The following HLA-DQA1 variants were observed in gnomAD, a reference collection of about 807,000 sequenced individuals.
The protein encoded by HLA-DQA1 is major histocompatibility complex, class II, DQ alpha 1.
In HLA-DQA1, 10 loss-of-function variants were observed where a neutral mutation model predicts 20.7. The ratio of observed to expected loss-of-function variants is 0.48; its 90% CI spans 0.30 to 0.82. The LOEUF (loss-of-function observed/expected upper bound fraction) is 0.82, where lower values mean the gene tolerates loss of function less well. Among genes scored for constraint, HLA-DQA1 ranks in the 40% least tolerant of loss-of-function variants. The pLI is 0.07. For missense variants in HLA-DQA1, 127 were observed against 293.0 expected, an observed-to-expected ratio of 0.43 and a Z score of 4.14; for synonymous variants, 39 against 109.2, an observed-to-expected ratio of 0.36 and a Z score of 4.01.
At chr6:32,655,269 A>AAG in the HLA-DQA1 span, among the ~76,000 whole-genome samples, 14,897 of 127,930 alleles carry the variant, frequency 0.12, 894 homozygotes, top group African/African-American at 0.16. Context: ...GTTTTTTAAA[A>AAG]TCACCTCTTA....
chr6:32,653,531 G>A, the HLA-DQA1 span, among the ~76,000 whole-genome samples: 1 of 96,220 alleles, frequency 1.0e-5, no homozygotes, highest in African/African-American at 3.6e-5. Context: ...CACGTGCTGG[G>A]ATTACAGGCG....
Position 32,641,308 on chromosome 6 carries a change from A to G in HLA-DQA1, c.83-2A>G. On this transcript the variant is annotated splice_acceptor_variant, in intron 1 of 4. Transcript: ENST00000343139. LOFTEE classifies it high-confidence loss of function. The stretch of plus-strand genomic sequence containing the variant: ...TTCCTGCTTGTCATCTTCACTCATC[A>G]GCTGACCACGTTGCCTCTTGTGGTG... 1 of 1,260,394 alleles carries G rather than the reference A, an allele frequency of 7.9e-7. No individual in the cohort carries two copies. 78.1% of individuals were successfully genotyped at this position (1,260,394 alleles called of 1,614,324 possible).
rs1343535604 is a variant in HLA-DQA1 at position 32,640,742 on chromosome 6, C to A, written c.83-568C>A. On this transcript the variant is annotated intron_variant, in intron 1 of 4. Coordinates refer to ENST00000343139, the MANE Select transcript of HLA-DQA1 (RefSeq NM_002122.5). ...TAATGTTATTACCAATCTTGTTATA[C>A]TCTTTCTTATACCCTACAATTGTTA... 3.0e-5 allele frequency among the ~76,000 whole-genome samples: 3 copies of A among 99,336 alleles called. 1 individual carries two copies. 65.2% of individuals were successfully genotyped at this position (99,336 alleles called of 152,430 possible). A position where few individuals can be genotyped will look rare whatever the true frequency, so the allele number is the denominator to read the frequency against.
chr6:32,654,098 T>G, the HLA-DQA1 span, among the ~76,000 whole-genome samples: 1,427 of 67,146 alleles, frequency 0.021, 154 homozygotes, highest in African/African-American at 0.054. Flanking sequence ...TGGTTGAGCC[T>G]CGTTCAAGAC....
chr6:32,647,183 C>CTGTTGAAGTTT (rs1233103159), downstream of HLA-DQA1: 6 of 100,558 alleles, frequency 6.0e-5, no homozygotes, highest in African/African-American at 1.0e-4. Context: ...AAACATGGTA[C>CTGTTGAAGTTT]TCAGCCAGGC....
chr6:32,647,006 T>C (rs940116687), downstream of HLA-DQA1: 10 of 101,168 alleles, frequency 9.9e-5, no homozygotes, highest in African/African-American at 3.3e-4. Flanking sequence ...AGATTGCTGT[T>C]ATGTTTTCTA....
chr6:32,638,834 C>A, intron 1 of HLA-DQA1: 1 of 170,316 alleles, frequency 5.9e-6, no homozygotes, highest in Non-Finnish European at 1.2e-5. Flanking sequence ...ATTATTTGGT[C>A]TCTTACTCTC....
chr6:32,639,770 G>T lies in HLA-DQA1; in HGVS notation c.83-1540G>T, dbSNP rs1781224928. ...AATTTGGCACCCAAGACAAGTACCA[G>T]AAGAAAAGAAAGACTGCATGTATTC... On this transcript the variant is annotated intron_variant, in intron 1 of 4. Coordinates refer to ENST00000343139, the MANE Select transcript of HLA-DQA1 (RefSeq NM_002122.5). 3 of 94,342 alleles carry T rather than the reference G, an allele frequency of 3.2e-5. 1 individual carries two copies. Among genetic ancestry groups the T allele is most frequent in the African/African-American group, 1.1e-4 (3 of 27,490 alleles). 5.8% of individuals were successfully genotyped at this position (94,342 alleles called of 1,614,324 possible).
intron 1 of HLA-DQA1, among the ~76,000 whole-genome samples, chr6:32,640,149 T>G (rs9272617): frequency 0.22 from 18,652 of 85,638 alleles, 5,707 homozygotes; most frequent in Admixed American, 0.3. Flanking sequence ...ATGTAGTTTG[T>G]CTTGCTTGGC....
the HLA-DQA1 span, among the ~76,000 whole-genome samples, chr6:32,653,992 G>T: frequency 5.6e-5 from 6 of 107,974 alleles, 2 homozygotes; most frequent in African/African-American, 2.0e-4. Context: ...CGACAAGGAG[G>T]AATGAGAAAA....
Position 32,638,420 on chromosome 6 carries a change from C to A in HLA-DQA1, c.82+880C>A, listed in dbSNP as rs1781053349. Among the ~76,000 whole-genome samples the A allele has an allele frequency of 1.7e-5, 2 of 117,058 alleles. 1 individual carries two copies. The highest frequency in any genetic ancestry group is 1.9e-4 in the Admixed American group (2 of 10,432). The allele number at this position is 117,058 out of a possible 152,430, so 76.8% of individuals were successfully genotyped here. The stretch of plus-strand genomic sequence containing the variant: ...GACAAGGTGGCTCATGCCTGTAATC[C>A]CAGCACTTTGGGAGGCCGAGGCAGG... On this transcript the variant is annotated intron_variant, in intron 1 of 4. Transcript: ENST00000343139.
downstream of HLA-DQA1, chr6:32,647,186 A>G (rs28529717): frequency 0.81 from 58,062 of 71,668 alleles, 24,739 homozygotes; most frequent in Middle Eastern, 0.92. Flanking sequence ...CATGGTACTC[A>G]GCCAGGCGCG....
downstream of HLA-DQA1, among the ~76,000 whole-genome samples, chr6:32,647,546 T>TA (rs17843744): frequency 0.33 from 36,147 of 109,904 alleles, 8,490 homozygotes; most frequent in Admixed American, 0.39. Context: ...CAAAGTTTTT[T>TA]AAAAATGCAT....
downstream of HLA-DQA1, chr6:32,644,333 T>C (rs9273058): frequency 0.49 from 75,116 of 151,888 alleles, 19,209 homozygotes; most frequent in South Asian, 0.63. Context: ...AAAACATTAA[T>C]GCAATAATTG....
downstream of HLA-DQA1, among the ~76,000 whole-genome samples, chr6:32,651,588 C>CAAA (rs70996710): frequency 0.025 from 376 of 15,284 alleles, 106 homozygotes; most frequent in South Asian, 0.064. Context: ...CGTCTCAAAG[C>CAAA]AAAAAAAAAA....
Position 32,642,659 on chromosome 6 carries a change from T to A in HLA-DQA1, c.663T>A (p.Cys221Ter), listed in dbSNP as rs1048372. Residue 221 changes from cysteine (C) to a stop codon, truncating the protein, a stop_gained, in exon 4 of 5, where the codon TGT becomes TGA. Coordinates refer to ENST00000343139, the MANE Select transcript of HLA-DQA1 (RefSeq NM_002122.5). LOFTEE classifies it high-confidence loss of function. ...CAGAGCTCACAGAGACTGTGGTCTG[T>A]GCCCTGGGGTTGTCTGTGGGCCTCA... ...PMSELTETVV[C>*]ALGLSVGLMG... 3 of 1,223,886 alleles carry A rather than the reference T, an allele frequency of 2.5e-6. No homozygotes were observed. Among genetic ancestry groups the A allele is most frequent in the South Asian group, 2.5e-5 (2 of 80,252 alleles). The allele number at this position is 1,223,886 out of a possible 1,614,324, so 75.8% of individuals were successfully genotyped here.
In HLA-DQA1 at chr6:32,640,823, A is replaced by AAAAGAAAG. The variant is rs768146073; in HGVS notation, c.83-485_83-478dup. Among the ~76,000 whole-genome samples the AAAAGAAAG allele has an allele frequency of 1.3e-4, 15 of 111,880 alleles. 1 individual carries two copies. The highest frequency in any genetic ancestry group is 6.1e-4 in the Admixed American group (6 of 9,770). The allele number at this position is 111,880 out of a possible 152,430, so 73.4% of individuals were successfully genotyped here. ...GCATGCTTTTCCTTTAAAAAAAAAA[A>AAAAGAAAG]AAAGAAAGATCTCTGTGTAGAGTGT... On this transcript the variant is annotated intron_variant, in intron 1 of 4. Coordinates refer to ENST00000343139, the MANE Select transcript of HLA-DQA1 (RefSeq NM_002122.5).
chr6:32,651,080 G>C (rs1222104859), downstream of HLA-DQA1, among the ~76,000 whole-genome samples: 1 of 81,688 alleles, frequency 1.2e-5, no homozygotes, highest in Non-Finnish European at 2.6e-5. Flanking sequence ...AGTAGAGACG[G>C]GGTTTCACCA....
Position 32,641,021 on chromosome 6 carries a change from T to G in HLA-DQA1, c.83-289T>G, listed in dbSNP as rs77455945. Among the ~76,000 whole-genome samples, 1,938 of 106,406 alleles carry G rather than the reference T, an allele frequency of 0.018. 116 individuals carry two copies. Among genetic ancestry groups the G allele is most frequent in the East Asian group, 0.067 (240 of 3,560 alleles). 69.8% of individuals were successfully genotyped at this position (106,406 alleles called of 152,430 possible). The stretch of plus-strand genomic sequence containing the variant: ...TCATTCCTTCTTTTGTTCAATTACA[T>G]TATTTAATCATAAGTCCATGACATG... On this transcript the variant is annotated intron_variant, in intron 1 of 4. Transcript: ENST00000343139.
Sources: gnomAD v4.1 joint callset for allele counts (sites outside exome capture counted in the v4.1 genomes callset) on GRCh38, gnomAD v4.1.1 for gene constraint, MANE v1.5 for transcripts, NCBI Gene and HGNC (gene_info 2026-07-23, HGNC 2026-07-21) for gene names.